Variants in LRAT observed in about 807,000 individuals in gnomAD.
The protein encoded by LRAT is lecithin retinol acyltransferase.
Under a neutral mutation model 14.2 loss-of-function variants are expected in LRAT, and 11 were observed. The observed-to-expected ratio is 0.78, with a 90% CI of 0.49 to 1.29. The LOEUF (loss-of-function observed/expected upper bound fraction) is 1.29, where lower values mean the gene tolerates loss of function less well. Among genes scored for constraint, LRAT ranks in the 50% most tolerant of loss-of-function variants. The probability of loss-of-function intolerance (pLI) is 0.00; values close to 1 mark genes in which losing one functional copy is unlikely to be tolerated. For missense variants in LRAT, 274 were observed against 292.4 expected, an observed-to-expected ratio of 0.94 and a Z score of 0.46; for synonymous variants, 144 against 124.8, an observed-to-expected ratio of 1.15 and a Z score of -1.03.
rs1441699900 is a variant in LRAT at position 154,744,138 on chromosome 4, G to C, written c.-86G>C. On this transcript the variant is annotated 5_prime_UTR_variant, in exon 1 of 3. Transcript: ENST00000336356. ...TCATTCCCCATTGTGGCTTGGCTGA[G>C]CCGGTCGCCAGGCCTCGCTGTCCTC... The C allele has an allele frequency of 6.4e-6, 4 of 628,336 alleles. No homozygotes were observed. In the East Asian group the frequency reaches 1.1e-4, roughly 17 times the overall value. The allele number at this position is 628,336 out of a possible 1,614,324, so 38.9% of individuals were successfully genotyped here.
In LRAT at chr4:154,744,884, C is replaced by G. The variant is rs770985855; in HGVS notation, c.540+18C>G. ...CCGACAAGGTATGATGTGTGACTCC[C>G]AGGGGAAGTGGGCTCCGCGGAGATG... On this transcript the variant is annotated intron_variant, in intron 2 of 2. Coordinates refer to ENST00000336356, the MANE Select transcript of LRAT (RefSeq NM_004744.5). 3 of 1,611,164 alleles carry G rather than the reference C, an allele frequency of 1.9e-6. No homozygotes were observed. In the African/African-American group the frequency reaches 4.0e-5, roughly 22 times the overall value.
At chr4:154,742,799 A>G (rs1165468571), upstream of LRAT, among the ~76,000 whole-genome samples, 1 of 152,132 alleles carries the variant, frequency 6.6e-6, no homozygotes, top group Non-Finnish European at 1.5e-5. Context: ...CAAAGAACTT[A>G]GCATCTCATC....
chr4:154,744,394 C>T lies in LRAT; in HGVS notation c.68C>T (p.Thr23Met), dbSNP rs763459646. ...LEKLLLISNFTLFSSGAAGED... is the reference protein window; with the variant it reads ...LEKLLLISNFMLFSSGAAGED... ...AAGCTGCTCCTCATCTCCAACTTCA[C>T]GCTCTTTAGTTCGGGCGCCGCGGGC... Residue 23 changes from threonine to methionine, a missense_variant, in exon 2 of 3, where the codon ACG (threonine) becomes ATG (methionine). By Grantham distance (81) the Thr-to-Met change is moderately conservative. Transcript: ENST00000336356. 1 of 1,614,198 alleles carries T rather than the reference C, an allele frequency of 6.2e-7. No homozygotes were observed.
chr4:154,749,298 C>A lies in LRAT; in HGVS notation c.*162C>A. 4 of 769,478 alleles carry A rather than the reference C, an allele frequency of 5.2e-6. No individual in the cohort carries two copies. Among genetic ancestry groups the A allele is most frequent in the Non-Finnish European group, 8.7e-6 (4 of 462,264 alleles). The allele number at this position is 769,478 out of a possible 1,614,324, so 47.7% of individuals were successfully genotyped here. ...ACGCAAAGTGCTTACTGTGTAAGCC[C>A]AAGAACAAAGGCTTTCTGAATCTTC... On this transcript the variant is annotated 3_prime_UTR_variant, in exon 3 of 3. Transcript: ENST00000336356.
chr4:154,741,162 T>G (rs1732762383), upstream of LRAT, among the ~76,000 whole-genome samples: 1 of 130,954 alleles, frequency 7.6e-6, no homozygotes, highest in African/African-American at 2.9e-5. Context: ...AGCTGCCTTT[T>G]GCAAAGTAAA....
Position 154,744,851 on chromosome 4 carries a change from T to TC in LRAT, c.529dup (p.Gln177ProfsTer7). The stretch of plus-strand genomic sequence containing the variant: ...ACTGCAGATATGGCACCCCGATCAG[T>TC]CCCCAGTCCGACAAGGTATGATGTG... On this transcript the variant is annotated frameshift_variant, in exon 2 of 3. Transcript: ENST00000336356. LOFTEE classifies it high-confidence loss of function. 1 of 1,613,272 alleles carries TC rather than the reference T, an allele frequency of 6.2e-7. No homozygotes were observed. Among genetic ancestry groups the TC allele is most frequent in the Non-Finnish European group, 8.5e-7 (1 of 1,179,946 alleles).
upstream of LRAT, among the ~76,000 whole-genome samples, chr4:154,742,269 CAA>C (rs1366253869): frequency 6.6e-6 from 1 of 152,170 alleles, no homozygotes; most frequent in Non-Finnish European, 1.5e-5. Context: ...TCCCCTTCTC[CAA>C]CTTCCTCTTT....
chr4:154,744,665 G>A lies in LRAT; in HGVS notation c.339G>A (p.Val113=), dbSNP rs1732843200. 1 of 1,614,192 alleles carries A rather than the reference G, an allele frequency of 6.2e-7. No homozygotes were observed. The highest frequency in any genetic ancestry group is 8.5e-7 in the Non-Finnish European group (1 of 1,180,022). The stretch of plus-strand genomic sequence containing the variant: ...TGGCCAGCATCCGCGTGGACACAGT[G>A]GAGGACTTCGCCTACGGAGCTAACA... ...VKVASIRVDT[V]EDFAYGANIL... Residue 113 remains valine (V), a synonymous_variant, in exon 2 of 3, where the codon GTG becomes GTA. Transcript: ENST00000336356.
In LRAT at chr4:154,749,288, T is replaced by G; in HGVS notation, c.*152T>G. On this transcript the variant is annotated 3_prime_UTR_variant, in exon 3 of 3. Transcript: ENST00000336356. ...ATTAGGAATCACGCAAAGTGCTTAC[T>G]GTGTAAGCCCAAGAACAAAGGCTTT... The G allele has an allele frequency of 2.4e-6, 2 of 836,776 alleles. No homozygotes were observed. The highest frequency in any genetic ancestry group is 3.9e-6 in the Non-Finnish European group (2 of 507,444). 51.8% of individuals were successfully genotyped at this position (836,776 alleles called of 1,614,324 possible).
chr4:154,746,925 C>T (rs1044937657), intron 2 of LRAT, among the ~76,000 whole-genome samples: 4 of 150,856 alleles, frequency 2.7e-5, no homozygotes, highest in African/African-American at 9.8e-5. Flanking sequence ...GTAGATTTCC[C>T]GGGGGAAAAA....
upstream of LRAT, among the ~76,000 whole-genome samples, chr4:154,741,147 T>C (rs1000306204): frequency 1.4e-5 from 2 of 139,514 alleles, no homozygotes; most frequent in African/African-American, 5.4e-5. Flanking sequence ...TTGAGAACAT[T>C]GAGAAGCTGC....
At chr4:154,742,180 A>G (rs1732781193), upstream of LRAT, among the ~76,000 whole-genome samples, 1 of 152,114 alleles carries the variant, frequency 6.6e-6, no homozygotes, top group Non-Finnish European at 1.5e-5. Context: ...AGTTTCAGCA[A>G]CTCGCCACCT....
intron 2 of LRAT, among the ~76,000 whole-genome samples, chr4:154,745,877 T>C (rs1028971062): frequency 4.1e-4 from 63 of 152,220 alleles, no homozygotes; most frequent in African/African-American, 1.5e-3. Flanking sequence ...TAGACTTCAT[T>C]GTTAAGCATC....
intron 2 of LRAT, 141 bp downstream of exon 2, chr4:154,745,007 T>A (rs4696216): frequency 9.2e-5 from 2 of 21,820 alleles, no homozygotes; most frequent in Non-Finnish European, 1.4e-4. Context: ...TTCTTTTTCC[T>A]TTTTTTTTTT....
At chr4:154,742,892 G>A (rs138035606), upstream of LRAT, among the ~76,000 whole-genome samples, 276 of 152,074 alleles carry the variant, frequency 1.8e-3, 1 homozygote, top group African/African-American at 6.0e-3. Context: ...AATAAAGGGA[G>A]GCGGACAAAG....
chr4:154,749,640 T>C lies in LRAT; in HGVS notation c.*504T>C, dbSNP rs1452365614. 1 of 156,448 alleles carries C rather than the reference T, an allele frequency of 6.4e-6. No individual in the cohort carries two copies. The highest frequency in any genetic ancestry group is 2.4e-5 in the African/African-American group (1 of 41,464). The allele number at this position is 156,448 out of a possible 1,614,324, so 9.7% of individuals were successfully genotyped here. A position where few individuals can be genotyped will look rare whatever the true frequency, so the allele number is the denominator to read the frequency against. ...GGTCAAAAAATAAGCTCATAATCTATTTTTTTCATGTAGTATATAAGTCAA... is the reference window on the plus strand; with the variant it reads ...GGTCAAAAAATAAGCTCATAATCTACTTTTTTCATGTAGTATATAAGTCAA... On this transcript the variant is annotated 3_prime_UTR_variant, in exon 3 of 3. Coordinates refer to ENST00000336356, the MANE Select transcript of LRAT (RefSeq NM_004744.5).
At position 154,744,690 on chromosome 4, in the gene LRAT, A is replaced by G. The variant is rs907805484; in HGVS notation, c.364A>G (p.Ile122Val). Residue 122 changes from isoleucine (I) to valine (V), a missense_variant, in exon 2 of 3, where the codon ATC becomes GTC. By Grantham distance (29) the Ile-to-Val change is conservative (BLOSUM62 3). Transcript: ENST00000336356. The stretch of plus-strand genomic sequence containing the variant: ...GGAGGACTTCGCCTACGGAGCTAAC[A>G]TCCTGGTCAATCACCTGGACGAGTC... ...TVEDFAYGAN[I>V]LVNHLDESLQ... 5.6e-6 allele frequency: 9 copies of G among 1,614,166 alleles called. No homozygotes were observed. The highest frequency in any genetic ancestry group is 6.8e-6 in the Non-Finnish European group (8 of 1,180,036).
chr4:154,743,586 T>C (rs1396919464), upstream of LRAT, among the ~76,000 whole-genome samples: 1 of 152,090 alleles, frequency 6.6e-6, no homozygotes, highest in Non-Finnish European at 1.5e-5. Context: ...TGCAATCTCT[T>C]TATTAAGCCG....
upstream of LRAT, among the ~76,000 whole-genome samples, chr4:154,743,215 G>A (rs1732803290): frequency 6.6e-6 from 1 of 151,482 alleles, no homozygotes; most frequent in South Asian, 2.1e-4. Context: ...GCTGGGCGCG[G>A]TGGCTCACGC....
Sources: allele counts gnomAD v4.1 joint callset (sites outside exome capture counted in the v4.1 genomes callset), GRCh38; gene constraint gnomAD v4.1.1; transcripts MANE v1.5; gene names NCBI Gene and HGNC (gene_info 2026-07-23, HGNC 2026-07-21).